PRKAG2: variants seen among roughly 807,000 people sequenced by gnomAD.
The protein encoded by PRKAG2 is protein kinase AMP-activated non-catalytic subunit gamma 2, also known as 5'-AMP-activated protein kinase subunit gamma-2.
Under a neutral mutation model 69.6 loss-of-function variants are expected in PRKAG2, and 26 were observed. The ratio of observed to expected loss-of-function variants is 0.37; its 90% CI spans 0.27 to 0.52. The LOEUF (loss-of-function observed/expected upper bound fraction) is 0.52, where lower values mean the gene tolerates loss of function less well. PRKAG2 is among the 20% of genes least tolerant of loss of function. PRKAG2 has a pLI of 0.90. For synonymous variants in PRKAG2, 293 were observed against 285.0 expected (o/e 1.03, Z -0.28); for missense variants, 557 against 740.0 (o/e 0.75, Z 2.87).
rs115472681 is a variant in PRKAG2 at position 151,680,397 on chromosome 7, C to A, written c.467-4760G>T. ...CGGAACATGACAGGGATCCTCGTTCCTTTCATCTCCAAGATGGAGCGGTAA... is the reference window on the plus strand; with the variant it reads ...CGGAACATGACAGGGATCCTCGTTCATTTCATCTCCAAGATGGAGCGGTAA... On this transcript the variant is annotated intron_variant, in intron 3 of 15. Transcript: ENST00000287878. Among the ~76,000 whole-genome samples the A allele has an allele frequency of 1.9e-3, 290 of 152,324 alleles. 1 individual carries two copies. Among genetic ancestry groups the A allele is most frequent in the African/African-American group, 6.7e-3 (278 of 41,568 alleles).
In PRKAG2 at chr7:151,736,723, T is replaced by A. The variant is rs977369785; in HGVS notation, c.466+44429A>T. 2.6e-5 allele frequency among the ~76,000 whole-genome samples: 4 copies of A among 152,224 alleles called. No individual in the cohort carries two copies. In the South Asian group the frequency reaches 8.3e-4, roughly 32 times the overall value. On this transcript the variant is annotated intron_variant, in intron 3 of 15. Coordinates refer to ENST00000287878, the MANE Select transcript of PRKAG2 (RefSeq NM_016203.4). Reference sequence around the variant, plus strand: ...CGGTTCCACTCAATGAAAGCAGCAATGCCGTCTTCAAGGAGGGGATACAGC... The same window carrying A: ...CGGTTCCACTCAATGAAAGCAGCAAAGCCGTCTTCAAGGAGGGGATACAGC...
intron 1 of PRKAG2, among the ~76,000 whole-genome samples, chr7:151,830,702 C>T (rs10229998): frequency 1.4e-4 from 18 of 130,778 alleles, no homozygotes; most frequent in Non-Finnish European, 2.0e-4. Flanking sequence ...AGGCCTCCTG[C>T]GGGATGGTGG....
At chr7:151,684,164 G>A (rs1321473526) in intron 3 of PRKAG2, among the ~76,000 whole-genome samples, 1 of 152,134 alleles carries the variant, frequency 6.6e-6, no homozygotes, top group Non-Finnish European at 1.5e-5. Flanking sequence ...TATCCTCAGG[G>A]ACCCTGCCTG....
chr7:151,833,974 T>A (rs370338686), intron 1 of PRKAG2, among the ~76,000 whole-genome samples: 1 of 152,164 alleles, frequency 6.6e-6, no homozygotes. Flanking sequence ...GCCCGGCCCA[T>A]GGCGGGGGCC....
At chr7:151,860,125 A>G (rs1158548677) in intron 1 of PRKAG2, among the ~76,000 whole-genome samples, 2 of 152,182 alleles carry the variant, frequency 1.3e-5, no homozygotes, top group African/African-American at 2.4e-5. Context: ...CCATCTGCCT[A>G]TCGGATGCTT....
At chr7:151,821,058 G>GCCAGAAGGAAAGTAGAA (rs1563728668) in intron 1 of PRKAG2, among the ~76,000 whole-genome samples, 6 of 5,122 alleles carry the variant, frequency 1.2e-3, no homozygotes, top group African/African-American at 2.4e-3. Context: ...GGAAAGCTGT[G>GCCAGAAGGAAAGTAGAA]GAGACAGGGA....
chr7:151,743,117 G>T (rs1156932824), intron 3 of PRKAG2, among the ~76,000 whole-genome samples: 1 of 152,178 alleles, frequency 6.6e-6, no homozygotes, highest in Non-Finnish European at 1.5e-5. Context: ...CCTGCTCAGA[G>T]TTCCTTCTAA....
At chr7:151,727,344 C>T (rs933833222) in intron 3 of PRKAG2, among the ~76,000 whole-genome samples, 2 of 152,330 alleles carry the variant, frequency 1.3e-5, no homozygotes, top group Non-Finnish European at 2.9e-5. Flanking sequence ...CCCCTCCAGG[C>T]TGTAATGAGT....
intron 6 of PRKAG2, among the ~76,000 whole-genome samples, chr7:151,591,953 A>G (rs954762619): frequency 6.6e-6 from 1 of 152,124 alleles, no homozygotes; most frequent in African/African-American, 2.4e-5. Flanking sequence ...TGCGGAGACC[A>G]TGCAACCTGA....
intron 1 of PRKAG2, among the ~76,000 whole-genome samples, chr7:151,802,664 G>C (rs1474388060): frequency 1.3e-5 from 2 of 152,144 alleles, no homozygotes; most frequent in Non-Finnish European, 2.9e-5. Flanking sequence ...AATGAACATT[G>C]AACAGGGACC....
chr7:151,816,564 T>A (rs1401015223), intron 1 of PRKAG2, among the ~76,000 whole-genome samples: 3 of 152,152 alleles, frequency 2.0e-5, no homozygotes, highest in Admixed American at 2.0e-4. Context: ...AGGACAGAAA[T>A]AAGCATCATC....
intron 3 of PRKAG2, 36 bp from the exon 4 acceptor site, chr7:151,675,673 GC>G (rs762634183): frequency 9.3e-5 from 146 of 1,573,156 alleles, no homozygotes; most frequent in Non-Finnish European, 1.2e-4. Flanking sequence ...CAGAGGTCCG[GC>G]TTCCAGGAAG....
chr7:151,605,005 T>C (rs1245388799), intron 5 of PRKAG2, among the ~76,000 whole-genome samples: 1 of 152,198 alleles, frequency 6.6e-6, no homozygotes, highest in African/African-American at 2.4e-5. Context: ...CAAAGTAACA[T>C]GTTAAATATT....
At chr7:151,579,796 A>C (rs1000863563) in intron 6 of PRKAG2, among the ~76,000 whole-genome samples, 71 of 152,156 alleles carry the variant, frequency 4.7e-4, no homozygotes, top group African/African-American at 1.7e-3. Context: ...GGTAAAGGGA[A>C]AATCAGCTAG....
At chr7:151,802,675 T>C (rs948055705) in intron 1 of PRKAG2, among the ~76,000 whole-genome samples, 1 of 152,174 alleles carries the variant, frequency 6.6e-6, no homozygotes, top group African/African-American at 2.4e-5. Context: ...AACAGGGACC[T>C]GCTGGCTGAA....
At chr7:151,867,584 T>C (rs976177924) in intron 1 of PRKAG2, among the ~76,000 whole-genome samples, 2 of 152,134 alleles carry the variant, frequency 1.3e-5, no homozygotes, top group African/African-American at 4.8e-5. Context: ...TATATGTTAA[T>C]CACATCTGCA....
At chr7:151,800,357 CAAAAAAA>C (rs398048179) in intron 1 of PRKAG2, among the ~76,000 whole-genome samples, 3 of 104,192 alleles carry the variant, frequency 2.9e-5, no homozygotes, top group African/African-American at 1.1e-4. Flanking sequence ...GACTCTGTCT[CAAAAAAA>C]AAAAAAAAAA....
chr7:151,662,601 G>C (rs1386671965), intron 4 of PRKAG2, among the ~76,000 whole-genome samples: 1 of 152,168 alleles, frequency 6.6e-6, no homozygotes, highest in Non-Finnish European at 1.5e-5. Context: ...CCTGTTACTA[G>C]AGTAATCATT....
At chr7:151,834,370 A>C (rs1252366489) in intron 1 of PRKAG2, among the ~76,000 whole-genome samples, 1 of 152,216 alleles carries the variant, frequency 6.6e-6, no homozygotes, top group African/African-American at 2.4e-5. Flanking sequence ...TTGCTCCACA[A>C]AGTCGCCAGG....
Sources: allele counts gnomAD v4.1 joint callset (sites outside exome capture counted in the v4.1 genomes callset), GRCh38; gene constraint gnomAD v4.1.1; transcripts MANE v1.5; gene names NCBI Gene and HGNC (gene_info 2026-07-23, HGNC 2026-07-21).